WRNIP1: variants seen among roughly 807,000 people sequenced by gnomAD.
The protein encoded by WRNIP1 is ATPase WRNIP1.
Under a neutral mutation model 56.1 loss-of-function variants are expected in WRNIP1, and 41 were observed. The ratio of observed to expected loss-of-function variants is 0.73; its 90% CI spans 0.57 to 0.95. WRNIP1 has a LOEUF of 0.95. Ranked by LOEUF, WRNIP1 falls within the 40% of genes least tolerant of loss-of-function variation. The pLI is 0.00. For synonymous variants in WRNIP1, 547 were observed against 398.1 expected (o/e 1.37, Z -4.45); for missense variants, 1,170 against 939.4 (o/e 1.25, Z -3.21).
chr6:2,771,914 A>C (rs991221668), intron 3 of WRNIP1, among the ~76,000 whole-genome samples: 3 of 152,202 alleles, frequency 2.0e-5, no homozygotes, highest in Non-Finnish European at 2.9e-5. Context: ...TGTATCTGCA[A>C]CTTAATATTC....
rs775430266 is a variant in WRNIP1 at position 2,784,348 on chromosome 6, C to G, written c.1667C>G (p.Thr556Arg). The G allele has an allele frequency of 2.6e-5, 42 of 1,613,998 alleles. No individual in the cohort carries two copies. The East Asian group carries it at 9.1e-4, about 35-fold the overall frequency. ...DIGLADPSAL[T>R]QAVAAYQGCH... ...GGTCTGGCAGACCCGTCTGCGTTAA[C>G]ACAAGCGGTTGCTGCCTACCAAGGC... Residue 556 changes from threonine (T) to arginine (R), a missense_variant, in exon 6 of 7, where the codon ACA becomes AGA. By Grantham distance (71) the Thr-to-Arg change is moderately conservative (BLOSUM62 -1). Coordinates refer to ENST00000380773, the MANE Select transcript of WRNIP1 (RefSeq NM_020135.3).
chr6:2,783,078 C>CG (rs1209442171), intron 4 of WRNIP1, among the ~76,000 whole-genome samples: 2 of 17,804 alleles, frequency 1.1e-4, no homozygotes, highest in Non-Finnish European at 7.0e-4. Context: ...ACAGAAGACT[C>CG]GTCCCCCTCC....
chr6:2,770,710 CAAAT>C (rs994178515), intron 3 of WRNIP1, among the ~76,000 whole-genome samples: 1 of 151,920 alleles, frequency 6.6e-6, no homozygotes, highest in African/African-American at 2.4e-5. Context: ...TTGAATAGAA[CAAAT>C]AGATAGATAA....
In WRNIP1 at chr6:2,773,087, T is replaced by C. The variant is rs978687729; in HGVS notation, c.1256+2726T>C. 5 of 985,372 alleles carry C rather than the reference T, an allele frequency of 5.1e-6. No individual in the cohort carries two copies. In the African/African-American group the frequency reaches 8.7e-5, roughly 17 times the overall value. The allele number at this position is 985,372 out of a possible 1,614,324, so 61.0% of individuals were successfully genotyped here. On this transcript the variant is annotated intron_variant, in intron 3 of 6. Coordinates refer to ENST00000380773, the MANE Select transcript of WRNIP1 (RefSeq NM_020135.3). The stretch of plus-strand genomic sequence containing the variant: ...ATTTGGAAACTAATCAAGCTGCCGC[T>C]TAGCCGTTCTTGATTGCACTTGAGG...
In WRNIP1 at chr6:2,785,517, T is replaced by A. The variant is rs1765689235; in HGVS notation, c.*235T>A. 1 of 537,614 alleles carries A rather than the reference T, an allele frequency of 1.9e-6. No individual in the cohort carries two copies. The highest frequency in any genetic ancestry group is 1.9e-5 in the African/African-American group (1 of 53,108). The allele number at this position is 537,614 out of a possible 1,614,324, so 33.3% of individuals were successfully genotyped here. On this transcript the variant is annotated 3_prime_UTR_variant, in exon 7 of 7. Coordinates refer to ENST00000380773, the MANE Select transcript of WRNIP1 (RefSeq NM_020135.3). ...TATGCTTATGAAAATACCTGGCAGC[T>A]TTGTGCAATGAATTAATGTTATAAG...
At position 2,765,703 on chromosome 6, in the gene WRNIP1, G is replaced by T. The variant is rs770041068; in HGVS notation, c.81G>T (p.Met27Ile). The stretch of plus-strand genomic sequence containing the variant: ...AGTGCCCCGTGTGCCAGCAGATGAT[G>T]CCCGCCGCGCACATCAACTCGCACC... ...QVQCPVCQQM[M>I]PAAHINSHLD... Residue 27 changes from methionine to isoleucine, a missense_variant, in exon 1 of 7, where the codon ATG (methionine) becomes ATT (isoleucine). Transcript: ENST00000380773. 7 of 1,546,452 alleles carry T rather than the reference G, an allele frequency of 4.5e-6. No individual in the cohort carries two copies. In the East Asian group the frequency reaches 7.9e-5, roughly 17 times the overall value.
At position 2,785,152 on chromosome 6, in the gene WRNIP1, C is replaced by T; in HGVS notation, c.1868C>T (p.Thr623Ile). ...PVPLHLRNAP[T>I]RLMKDLGYGK... is the part of the protein sequence containing the mutation. ...CCCCTGCACCTGAGGAACGCGCCCACTAGGCTGATGAAGGATTTGGGCTAT... is the reference window on the plus strand; with the variant it reads ...CCCCTGCACCTGAGGAACGCGCCCATTAGGCTGATGAAGGATTTGGGCTAT... Residue 623 changes from threonine to isoleucine, a missense_variant, in exon 7 of 7, where the codon ACT becomes ATT. Coordinates refer to ENST00000380773, the MANE Select transcript of WRNIP1 (RefSeq NM_020135.3). 2 of 1,614,178 alleles carry T rather than the reference C, an allele frequency of 1.2e-6. No homozygotes were observed. The highest frequency in any genetic ancestry group is 1.7e-6 in the Non-Finnish European group (2 of 1,180,030).
rs746823658 is a variant in WRNIP1, at chr6:2,765,890, G to C, written c.268G>C (p.Glu90Gln). 3.4e-6 allele frequency: 5 copies of C among 1,452,364 alleles called. No homozygotes were observed. The Admixed American group carries it at 7.1e-5, about 21-fold the overall frequency. The allele number at this position is 1,452,364 out of a possible 1,614,324, so 90.0% of individuals were successfully genotyped here. A position where few individuals can be genotyped will look rare whatever the true frequency, so the allele number is the denominator to read the frequency against. The stretch of plus-strand genomic sequence containing the variant: ...GCAGCCAGCCACCCCGACGGCAGCC[G>C]AGAGCAGCGAGGGCGAGGGTGAGGA... ...LKQPATPTAA[E>Q]SSEGEGEEGD... Residue 90 changes from glutamate to glutamine, a missense_variant, in exon 1 of 7, where the codon GAG (glutamate) becomes CAG (glutamine). Transcript: ENST00000380773.
chr6:2,783,705 G>C, intron 5 of WRNIP1, 144 bp downstream of exon 5: 2 of 666,846 alleles, frequency 3.0e-6, no homozygotes, highest in South Asian at 5.6e-5. Flanking sequence ...GGCTATGTGA[G>C]ACTGGCAGGA....
Position 2,766,108 on chromosome 6 carries a change from G to T in WRNIP1, c.486G>T (p.Ala162=). 1 of 1,319,312 alleles carries T rather than the reference G, an allele frequency of 7.6e-7. No individual in the cohort carries two copies. The highest frequency in any genetic ancestry group is 2.2e-5 in the South Asian group (1 of 45,468). The allele number at this position is 1,319,312 out of a possible 1,614,324, so 81.7% of individuals were successfully genotyped here. A position where few individuals can be genotyped will look rare whatever the true frequency, so the allele number is the denominator to read the frequency against. ...ASPRSWDEAE[A]QEEEEAVGDG... is the part of the protein sequence containing the mutation. ...CGCGCAGCTGGGACGAGGCGGAGGC[G>T]CAGGAGGAGGAGGAGGCCGTGGGCG... Residue 162 remains alanine, a synonymous_variant, in exon 1 of 7, where the codon GCG becomes GCT. Coordinates refer to ENST00000380773, the MANE Select transcript of WRNIP1 (RefSeq NM_020135.3).
intron 3 of WRNIP1, chr6:2,773,071 C>T (rs983227305): frequency 1.3e-5 from 13 of 985,324 alleles, no homozygotes; most frequent in African/African-American, 1.7e-5. Flanking sequence ...GATTTGGAAA[C>T]TAATCAAGCT....
intron 2 of WRNIP1, among the ~76,000 whole-genome samples, chr6:2,769,779 C>A (rs1384049235): frequency 6.6e-6 from 1 of 152,142 alleles, no homozygotes; most frequent in Non-Finnish European, 1.5e-5. Context: ...ATAGCTGTTA[C>A]ATATAAGCTA....
At position 2,765,853 on chromosome 6, in the gene WRNIP1, C is replaced by G. The variant is rs937124086; in HGVS notation, c.231C>G (p.Ser77Arg). Residue 77 changes from serine to arginine, a missense_variant, in exon 1 of 7, where the codon AGC becomes AGG. Ser to Arg is a moderately radical substitution (Grantham distance 110). Transcript: ENST00000380773. ...CCAAGAGGCGGCGGCTGTCGGAGAG[C>G]TCGGCGCTGAAGCAGCCAGCCACCC... ...PGAKRRRLSE[S>R]SALKQPATPT... 5 of 1,422,868 alleles carry G rather than the reference C, an allele frequency of 3.5e-6. No individual in the cohort carries two copies. The highest frequency in any genetic ancestry group is 3.1e-5 in the East Asian group (1 of 32,564). 88.1% of individuals were successfully genotyped at this position (1,422,868 alleles called of 1,614,324 possible).
intron 3 of WRNIP1, chr6:2,773,563 C>T (rs907516129): frequency 4.7e-5 from 46 of 985,258 alleles, no homozygotes; most frequent in Non-Finnish European, 5.4e-5. Flanking sequence ...ATTTGGATCA[C>T]ATGATACAAA....
chr6:2,778,164 C>G (rs576499179), intron 3 of WRNIP1, among the ~76,000 whole-genome samples: 3 of 152,148 alleles, frequency 2.0e-5, no homozygotes, highest in Non-Finnish European at 4.4e-5. Context: ...GCTGGGTCCC[C>G]TTCGGAAACT....
Position 2,766,360 on chromosome 6 carries a change from G to C in WRNIP1, c.738G>C (p.Val246=). The change falls in exon 1 of 7, where the codon GTG becomes GTC. Residue 246 remains valine (V), a synonymous_variant. Coordinates refer to ENST00000380773, the MANE Select transcript of WRNIP1 (RefSeq NM_020135.3). The stretch of plus-strand genomic sequence containing the variant: ...ATTACTTCGGGCAGAGCAAGGCCGT[G>C]GGCCAGGATACCCTGCTGCGCTCGC... ...LQDYFGQSKA[V]GQDTLLRSLL... is the part of the protein sequence containing the mutation. The C allele has an allele frequency of 3.1e-6, 5 of 1,610,246 alleles. No individual in the cohort carries two copies. The highest frequency in any genetic ancestry group is 4.2e-6 in the Non-Finnish European group (5 of 1,178,772).
chr6:2,770,505 G>C, intron 3 of WRNIP1, 144 bp downstream of exon 3: 1 of 1,260,266 alleles, frequency 7.9e-7, no homozygotes, highest in Non-Finnish European at 1.1e-6. Context: ...AATAAAAGAG[G>C]AGGGAAATGT....
intron 3 of WRNIP1, among the ~76,000 whole-genome samples, chr6:2,770,855 T>C (rs532622220): frequency 3.3e-5 from 5 of 152,208 alleles, no homozygotes; most frequent in Non-Finnish European, 7.3e-5. Context: ...CTTAAAATTA[T>C]GTAATCCTTT....
intron 3 of WRNIP1, among the ~76,000 whole-genome samples, chr6:2,777,673 TTAGTA>T (rs761037442): frequency 3.3e-5 from 5 of 152,192 alleles, no homozygotes; most frequent in African/African-American, 4.8e-5. Flanking sequence ...TACATTTTCT[TTAGTA>T]TATGTTCTGT....
Sources: gnomAD v4.1 joint callset for allele counts (sites outside exome capture counted in the v4.1 genomes callset) on GRCh38, gnomAD v4.1.1 for gene constraint, MANE v1.5 for transcripts, NCBI Gene and HGNC (gene_info 2026-07-23, HGNC 2026-07-21) for gene names.